The following NIBAN1 variants were observed in gnomAD, a reference collection of about 807,000 sequenced individuals.
NIBAN1 encodes protein Niban 1.
In NIBAN1, 81 loss-of-function variants were observed where a neutral mutation model predicts 75.1. The ratio of observed to expected loss-of-function variants is 1.08; its 90% CI spans 0.90 to 1.30. The LOEUF (loss-of-function observed/expected upper bound fraction) is 1.30, where lower values mean the gene tolerates loss of function less well. NIBAN1 is among the 50% of genes most tolerant of loss of function. NIBAN1 has a pLI of 0.00. For missense variants in NIBAN1, 1,133 were observed against 1,128.1 expected, an observed-to-expected ratio of 1.00 and a Z score of -0.06; for synonymous variants, 436 against 424.8, an observed-to-expected ratio of 1.03 and a Z score of -0.32.
chr1:184,842,764 CA>C (rs35757389), intron 5 of NIBAN1, among the ~76,000 whole-genome samples: 23,376 of 120,564 alleles, frequency 0.19, 3,159 homozygotes, highest in African/African-American at 0.45. Flanking sequence ...AACTCTGTCT[CA>C]AAAAAAAAAA....
At chr1:184,920,830 C>T (rs1054875544) in intron 1 of NIBAN1, among the ~76,000 whole-genome samples, 4 of 151,982 alleles carry the variant, frequency 2.6e-5, no homozygotes, top group Non-Finnish European at 5.9e-5. Flanking sequence ...AAAATGAATG[C>T]AACCATTAAA....
chr1:184,932,854 T>G (rs1287140892), intron 1 of NIBAN1, among the ~76,000 whole-genome samples: 1 of 152,210 alleles, frequency 6.6e-6, no homozygotes, highest in Non-Finnish European at 1.5e-5. Context: ...TCTGCATCTA[T>G]TTTCTTTAGT....
intron 1 of NIBAN1, among the ~76,000 whole-genome samples, chr1:184,945,283 A>G (rs1036728405): frequency 2.0e-5 from 3 of 152,214 alleles, no homozygotes; most frequent in Non-Finnish European, 4.4e-5. Context: ...GGTGAAATCA[A>G]TGATGTCATG....
chr1:184,844,876 A>G (rs1655392801), intron 5 of NIBAN1, among the ~76,000 whole-genome samples: 1 of 152,218 alleles, frequency 6.6e-6, no homozygotes, highest in East Asian at 1.9e-4. Context: ...AAAGGTGAGA[A>G]CACTGGCTAA....
rs1004400429 is a variant in NIBAN1 at position 184,845,896 on chromosome 1, GAAT to G, written c.602-13937_602-13935del. On this transcript the variant is annotated intron_variant, in intron 5 of 13. Transcript: ENST00000367511. ...CTGGAAAATCGGGTCACTCCCACCC[GAAT>G]ATTGCGCTTTTCAGACCAGCTTAAG... Among the ~76,000 whole-genome samples the G allele has an allele frequency of 9.8e-5, 8 of 81,800 alleles. 3 individuals carry two copies. Among genetic ancestry groups the G allele is most frequent in the African/African-American group, 4.8e-4 (8 of 16,822 alleles). 53.7% of individuals were successfully genotyped at this position (81,800 alleles called of 152,430 possible). A position where few individuals can be genotyped will look rare whatever the true frequency, so the allele number is the denominator to read the frequency against.
chr1:184,838,870 C>T lies in NIBAN1; in HGVS notation c.602-6908G>A, dbSNP rs543112923. Among the ~76,000 whole-genome samples the T allele has an allele frequency of 5.3e-5, 8 of 152,202 alleles. No homozygotes were observed. In the East Asian group the frequency reaches 1.2e-3, roughly 22 times the overall value. Reference sequence around the variant, plus strand: ...TGCCAAGCCCTGTTAGCTGATCTGCCGGGTGATTTGTGAAAGTTATGTAAC... The same window carrying T: ...TGCCAAGCCCTGTTAGCTGATCTGCTGGGTGATTTGTGAAAGTTATGTAAC... On this transcript the variant is annotated intron_variant, in intron 5 of 13. Coordinates refer to ENST00000367511, the MANE Select transcript of NIBAN1 (RefSeq NM_052966.4).
Position 184,901,521 on chromosome 1 carries a change from C to T in NIBAN1, c.56-2212G>A, listed in dbSNP as rs569117703. 4.6e-5 allele frequency among the ~76,000 whole-genome samples: 7 copies of T among 152,236 alleles called. 1 individual carries two copies. In the South Asian group the frequency reaches 1.2e-3, roughly 27 times the overall value. On this transcript the variant is annotated intron_variant, in intron 1 of 13. Coordinates refer to ENST00000367511, the MANE Select transcript of NIBAN1 (RefSeq NM_052966.4). ...AGTGTGGGAATTCCCACAATGAGAACGAATCTCACTTTACTAAAACATATA... is the reference window on the plus strand; with the variant it reads ...AGTGTGGGAATTCCCACAATGAGAATGAATCTCACTTTACTAAAACATATA...
At chr1:184,820,838 T>C (rs1481859412) in intron 8 of NIBAN1, among the ~76,000 whole-genome samples, 2 of 152,320 alleles carry the variant, frequency 1.3e-5, no homozygotes, top group East Asian at 1.9e-4. Context: ...GCAATTATGG[T>C]GAGGATTAAA....
chr1:184,858,109 G>A (rs746404326), intron 5 of NIBAN1, among the ~76,000 whole-genome samples: 3 of 151,866 alleles, frequency 2.0e-5, no homozygotes, highest in Non-Finnish European at 4.4e-5. Context: ...ATAATTAAAG[G>A]TTAATAATAA....
intron 9 of NIBAN1, among the ~76,000 whole-genome samples, chr1:184,816,311 G>T (rs558648746): frequency 2.0e-5 from 3 of 152,246 alleles, no homozygotes; most frequent in South Asian, 4.1e-4. Context: ...GATGTCAAAT[G>T]GTCCCCCTTC....
chr1:184,833,856 CT>C (rs200105947), intron 5 of NIBAN1, among the ~76,000 whole-genome samples: 3,551 of 137,666 alleles, frequency 0.026, 89 homozygotes, highest in East Asian at 0.08. Flanking sequence ...AAAATTTTTT[CT>C]TTTTTTTTTT....
intron 1 of NIBAN1, among the ~76,000 whole-genome samples, chr1:184,924,508 T>C (rs1181392362): frequency 1.3e-5 from 2 of 152,188 alleles, no homozygotes; most frequent in Non-Finnish European, 2.9e-5. Context: ...TAGTTTTCTT[T>C]TTTTGATGTG....
rs577855730 is a variant in NIBAN1, at chr1:184,872,531, C to T, written c.601+12102G>A. 3.9e-5 allele frequency among the ~76,000 whole-genome samples: 6 copies of T among 152,160 alleles called. No individual in the cohort carries two copies. The South Asian group carries it at 1.2e-3, about 32-fold the overall frequency. On this transcript the variant is annotated intron_variant, in intron 5 of 13. Transcript: ENST00000367511. ...GACCAGCCTGACCAACATGGTGAAA[C>T]CCCATCTCTACTAAAAATACAAAAA...
intron 5 of NIBAN1, among the ~76,000 whole-genome samples, chr1:184,840,691 C>T (rs925014742): frequency 1.3e-5 from 2 of 150,876 alleles, no homozygotes; most frequent in African/African-American, 2.4e-5. Flanking sequence ...AGACTAACCT[C>T]ATTTCCTTCA....
At chr1:184,799,144 T>A (rs922643149) in intron 12 of NIBAN1, among the ~76,000 whole-genome samples, 4 of 152,164 alleles carry the variant, frequency 2.6e-5, no homozygotes, top group Non-Finnish European at 4.4e-5. Context: ...TGCACCCACT[T>A]ACTCGTCATC....
At chr1:184,798,280 A>T in intron 12 of NIBAN1, 90 bp from the exon 13 acceptor site, 1 of 752,550 alleles carries the variant, frequency 1.3e-6, no homozygotes, top group South Asian at 1.9e-5. Context: ...CCCACTCATG[A>T]TTCTCTTCTT....
At chr1:184,812,579 G>C (rs191008178) in intron 9 of NIBAN1, among the ~76,000 whole-genome samples, 1 of 152,264 alleles carries the variant, frequency 6.6e-6, no homozygotes, top group Admixed American at 6.5e-5. Context: ...TTATGTCCTT[G>C]GGAGCTTGAC....
chr1:184,864,133 C>T (rs912031733), intron 5 of NIBAN1, among the ~76,000 whole-genome samples: 21 of 152,120 alleles, frequency 1.4e-4, no homozygotes, highest in African/African-American at 4.8e-4. Flanking sequence ...ATTCTGAGTC[C>T]ACCACTTGAT....
At chr1:184,812,313 A>G (rs1462970355) in intron 9 of NIBAN1, among the ~76,000 whole-genome samples, 1 of 152,180 alleles carries the variant, frequency 6.6e-6, no homozygotes, top group Non-Finnish European at 1.5e-5. Flanking sequence ...CAGAGTGGCT[A>G]ATGTATATGT....
Sources: gnomAD v4.1 joint callset for allele counts (sites outside exome capture counted in the v4.1 genomes callset) on GRCh38, gnomAD v4.1.1 for gene constraint, MANE v1.5 for transcripts, NCBI Gene and HGNC (gene_info 2026-07-23, HGNC 2026-07-21) for gene names.